The following RETREG1 variants were observed in gnomAD, a reference collection of about 807,000 sequenced individuals.
RETREG1 encodes family with sequence similarity 134 member B.
In RETREG1, 44 loss-of-function variants were observed where a neutral mutation model predicts 54.8. The ratio of observed to expected loss-of-function variants is 0.80; its 90% CI spans 0.63 to 1.03. RETREG1 has a LOEUF of 1.03. Among genes scored for constraint, RETREG1 ranks in the 50% least tolerant of loss-of-function variants. The pLI, the probability that RETREG1 is intolerant of heterozygous loss-of-function variation, is 0.00. For synonymous variants in RETREG1, 217 were observed against 238.5 expected (o/e 0.91, Z 0.83); for missense variants, 554 against 605.1 (o/e 0.92, Z 0.89).
chr5:16,494,784 G>T (rs1739390469), intron 3 of RETREG1, among the ~76,000 whole-genome samples: 1 of 152,136 alleles, frequency 6.6e-6, no homozygotes, highest in Admixed American at 6.5e-5. Flanking sequence ...GAAGAGTGGG[G>T]GCATTGCTGT....
chr5:16,514,966 T>A (rs13190491), intron 3 of RETREG1, among the ~76,000 whole-genome samples: 3 of 147,130 alleles, frequency 2.0e-5, no homozygotes, highest in East Asian at 1.9e-4. Flanking sequence ...GTATATATAT[T>A]ATATATATAT....
chr5:16,589,387 T>C (rs1742699802), intron 1 of RETREG1, among the ~76,000 whole-genome samples: 1 of 152,080 alleles, frequency 6.6e-6, no homozygotes, highest in African/African-American at 2.4e-5. Flanking sequence ...TGTTTATTTG[T>C]TTGTCTGTTT....
intron 1 of RETREG1, among the ~76,000 whole-genome samples, chr5:16,592,903 G>A (rs1436505016): frequency 6.6e-6 from 1 of 152,108 alleles, no homozygotes; most frequent in Non-Finnish European, 1.5e-5. Flanking sequence ...AGGGTGGAGG[G>A]TGGGAGGAAA....
chr5:16,488,813 G>GA (rs1739125178), intron 3 of RETREG1, among the ~76,000 whole-genome samples: 1 of 152,022 alleles, frequency 6.6e-6, no homozygotes. Flanking sequence ...GGCCGGGCGT[G>GA]GTGGCTCACG....
rs1313269207 is a variant in RETREG1, at chr5:16,597,259, T to C, written c.320+19393A>G. ...CATTGTGAATATTAGTAACGACACC[T>C]ACCTCCTCCAACAGTTGTTATGTAT... On this transcript the variant is annotated intron_variant, in intron 1 of 8. Coordinates refer to ENST00000306320, the MANE Select transcript of RETREG1 (RefSeq NM_001034850.3). This position sits in a 1 kb window ranked among gnomAD's most constrained non-coding sequence, Gnocchi z 4.3. 2.6e-5 allele frequency among the ~76,000 whole-genome samples: 4 copies of C among 152,250 alleles called. No homozygotes were observed. Among genetic ancestry groups the C allele is most frequent in the African/African-American group, 9.6e-5 (4 of 41,478 alleles).
intron 1 of RETREG1, among the ~76,000 whole-genome samples, chr5:16,598,670 G>T (rs1561134795): frequency 6.6e-6 from 1 of 152,120 alleles, no homozygotes; most frequent in Non-Finnish European, 1.5e-5. Context: ...CAAACTAGTT[G>T]CTGCTTTCCA....
intron 1 of RETREG1, among the ~76,000 whole-genome samples, chr5:16,578,928 T>C (rs923121716): frequency 1.3e-5 from 2 of 152,144 alleles, no homozygotes; most frequent in African/African-American, 4.8e-5. Flanking sequence ...AGTAACTACA[T>C]AAAGCAGCCA....
At chr5:16,564,829 C>A (rs1260821537) in intron 3 of RETREG1, among the ~76,000 whole-genome samples, 2 of 152,210 alleles carry the variant, frequency 1.3e-5, no homozygotes, top group Non-Finnish European at 2.9e-5. Context: ...ATGAAATTAA[C>A]CTTTCCAGCT....
chr5:16,562,251 G>T (rs2162770), intron 3 of RETREG1, among the ~76,000 whole-genome samples: 56,987 of 151,916 alleles, frequency 0.38, 10,807 homozygotes, highest in South Asian at 0.47. Flanking sequence ...GGAGGCGGAG[G>T]TTGCAGTGAG....
intron 1 of RETREG1, among the ~76,000 whole-genome samples, chr5:16,603,000 C>G (rs983353507): frequency 5.3e-5 from 8 of 152,256 alleles, no homozygotes; most frequent in Admixed American, 1.3e-4. Context: ...AAGAGAGAAA[C>G]TCTGTCTCAA....
rs1561078422 is a variant in RETREG1 at position 16,479,003 on chromosome 5, GAGC to G, written c.671-19_671-17del. 1 of 1,610,628 alleles carries G rather than the reference GAGC, an allele frequency of 6.2e-7. No individual in the cohort carries two copies. Among genetic ancestry groups the G allele is most frequent in the Non-Finnish European group, 8.5e-7 (1 of 1,178,090 alleles). On this transcript the variant is annotated splice_polypyrimidine_tract_variant and intron_variant, in intron 5 of 8. Coordinates refer to ENST00000306320, the MANE Select transcript of RETREG1 (RefSeq NM_001034850.3). ...GCACACAGTACTGAAAGAAGAAAGA[GAGC>G]AGAGGTAAAATGCCTTTCCTTTCAA...
At chr5:16,606,684 CTGATTT>C (rs1007673074) in intron 1 of RETREG1, among the ~76,000 whole-genome samples, 11 of 152,256 alleles carry the variant, frequency 7.2e-5, no homozygotes, top group African/African-American at 2.4e-4. Flanking sequence ...TTCTGTCCTC[CTGATTT>C]TATCTCCAGA....
chr5:16,586,164 C>T (rs139470643), intron 1 of RETREG1, among the ~76,000 whole-genome samples: 3,283 of 152,064 alleles, frequency 0.022, 49 homozygotes, highest in Non-Finnish European at 0.03. Flanking sequence ...GCAGGAGGTA[C>T]GGAGAAGAAA....
In RETREG1 at chr5:16,564,731, T is replaced by C. The variant is rs140638427; in HGVS notation, c.458+1032A>G. Among the ~76,000 whole-genome samples, 893 of 152,192 alleles carry C rather than the reference T, an allele frequency of 5.9e-3. 6 individuals are homozygous for C. The highest frequency in any genetic ancestry group is 0.021 in the African/African-American group (854 of 41,548). ...TCTTCTTATATCCAATGTCACCCTCTCTCCTGAGTCTCTTGGCAAGTCTGC... is the reference window on the plus strand; with the variant it reads ...TCTTCTTATATCCAATGTCACCCTCCCTCCTGAGTCTCTTGGCAAGTCTGC... On this transcript the variant is annotated intron_variant, in intron 3 of 8. Coordinates refer to ENST00000306320, the MANE Select transcript of RETREG1 (RefSeq NM_001034850.3).
rs162850 is a variant in RETREG1, at chr5:16,477,642, C to A, written c.1000+20G>T. 1,098,452 of 1,609,126 alleles carry A rather than the reference C, an allele frequency of 0.68. 377,582 individuals are homozygous for A. Among genetic ancestry groups the A allele is most frequent in the African/African-American group, 0.8 (60,244 of 74,838 alleles). ...TGTATGCACTCATAAAAATAAATGT[C>A]TCCAGAAATATTAGCATACCATCAG... On this transcript the variant is annotated intron_variant, in intron 8 of 8. Coordinates refer to ENST00000306320, the MANE Select transcript of RETREG1 (RefSeq NM_001034850.3).
Position 16,478,692 on chromosome 5 carries a change from A to G in RETREG1, c.808+158T>C, listed in dbSNP as rs73753059. Among the ~76,000 whole-genome samples, 1,283 of 152,246 alleles carry G rather than the reference A, an allele frequency of 8.4e-3. 16 individuals carry two copies. The highest frequency in any genetic ancestry group is 0.029 in the African/African-American group (1,219 of 41,544). ...ATTTGAGAAAAGAAGGAAAGCCCAAATAGGAAAAGGATATATATAACTTTG... is the reference window on the plus strand; with the variant it reads ...ATTTGAGAAAAGAAGGAAAGCCCAAGTAGGAAAAGGATATATATAACTTTG... On this transcript the variant is annotated intron_variant, in intron 6 of 8. Transcript: ENST00000306320.
chr5:16,475,383 A>G, intron 8 of RETREG1, 149 bp from the exon 9 acceptor site: 1 of 788,354 alleles, frequency 1.3e-6, no homozygotes, highest in South Asian at 1.5e-5. Flanking sequence ...CAATTTAACC[A>G]CATACTGAAC....
intron 3 of RETREG1, among the ~76,000 whole-genome samples, chr5:16,487,532 C>T (rs147578292): frequency 3.0e-4 from 45 of 152,364 alleles, no homozygotes; most frequent in Admixed American, 8.5e-4. Context: ...CCAGCCTCTA[C>T]ATGGCCATGC....
intron 2 of RETREG1, among the ~76,000 whole-genome samples, chr5:16,569,420 G>A (rs552414439): frequency 6.6e-6 from 1 of 151,884 alleles, no homozygotes; most frequent in Admixed American, 6.6e-5. Context: ...GCTCTGCCTC[G>A]ACAGAGGTCT....
Sources: allele counts gnomAD v4.1 joint callset (sites outside exome capture counted in the v4.1 genomes callset), GRCh38; gene constraint gnomAD v4.1.1; non-coding constraint Gnocchi (gnomAD v3.1); transcripts MANE v1.5; gene names NCBI Gene and HGNC (gene_info 2026-07-23, HGNC 2026-07-21).